Variants in RFX7 observed in about 807,000 individuals in gnomAD.
RFX7 encodes DNA-binding protein RFX7.
Under a neutral mutation model 111.8 loss-of-function variants are expected in RFX7, and 26 were observed. The observed-to-expected ratio is 0.23, with a 90% CI of 0.17 to 0.32. The LOEUF is 0.32. Among genes scored for constraint, RFX7 ranks in the 10% least tolerant of loss-of-function variants. The pLI is 1.00. For synonymous variants in RFX7, 624 were observed against 624.4 expected (o/e 1.00, Z 0.01); for missense variants, 1,573 against 1,772.9 (o/e 0.89, Z 2.02).
chr15:56,102,328 T>C, intron 6 of RFX7, 75 bp from the exon 7 acceptor site: 2 of 810,732 alleles, frequency 2.5e-6, no homozygotes, highest in East Asian at 2.8e-5. Flanking sequence ...AAAGTAACCA[T>C]ATATGAAATG....
At chr15:56,165,980 C>T (rs1323802304) in intron 3 of RFX7, among the ~76,000 whole-genome samples, 4 of 152,174 alleles carry the variant, frequency 2.6e-5, no homozygotes, top group Admixed American at 6.5e-5. Flanking sequence ...TGGCTCACTG[C>T]AGCCTTTGAC....
rs769558133 is a variant in RFX7, at chr15:56,101,556, G to C, written c.614C>G (p.Ala205Gly). The C allele has an allele frequency of 5.0e-6, 8 of 1,613,276 alleles. No individual in the cohort carries two copies. The highest frequency in any genetic ancestry group is 6.8e-6 in the Non-Finnish European group (8 of 1,179,488). Reference protein sequence around the residue: ...FHKTGDGLEGAEPSGQLQNID... With the variant: ...FHKTGDGLEGGEPSGQLQNID... ...ATTTTGAAGCTGCCCAGAAGGTTCA[G>C]CTCCTTCCAACTAGGCAAAGAAAAA... Residue 205 changes from alanine (A) to glycine (G), a missense_variant, in exon 8 of 10, where the codon GCT becomes GGT. By Grantham distance (60) the Ala-to-Gly change is moderately conservative. Transcript: ENST00000559447.
chr15:56,179,281 C>A lies in RFX7; in HGVS notation c.184G>T (p.Asp62Tyr). Reference sequence around the variant, plus strand: ...GTTATTTCACTTACCAAAATGCAGTCCACTTTAGATTGTACAGTTTTGCTA... The same window carrying A: ...GTTATTTCACTTACCAAAATGCAGTACACTTTAGATTGTACAGTTTTGCTA... Reference protein sequence around the residue: ...SICKTVQSKVDCILQEVEKFT... With the variant: ...SICKTVQSKVYCILQEVEKFT... The change falls in exon 3 of 10, where the codon GAC becomes TAC. Residue 62 changes from aspartate (D) to tyrosine (Y), a missense_variant. By Grantham distance (160) the Asp-to-Tyr change is radical. This residue lies in a region of RFX7 where 191 missense variants were observed against 194.2 expected (regional missense o/e 0.98). Coordinates refer to ENST00000559447, the MANE Select transcript of RFX7 (RefSeq NM_022841.7). The A allele has an allele frequency of 2.3e-6, 3 of 1,288,982 alleles. No homozygotes were observed. The highest frequency in any genetic ancestry group is 3.1e-6 in the Non-Finnish European group (3 of 974,508). 79.8% of individuals were successfully genotyped at this position (1,288,982 alleles called of 1,614,324 possible).
At chr15:56,200,068 T>C (rs1032499398) in intron 2 of RFX7, among the ~76,000 whole-genome samples, 3 of 152,190 alleles carry the variant, frequency 2.0e-5, no homozygotes, top group African/African-American at 7.2e-5. Context: ...CTTACCATTT[T>C]GGAACTTCCT....
At chr15:56,169,580 C>T (rs2042819506) in intron 3 of RFX7, among the ~76,000 whole-genome samples, 1 of 152,000 alleles carries the variant, frequency 6.6e-6, no homozygotes, top group African/African-American at 2.4e-5. Context: ...TTTATACCCA[C>T]CTAAGTTAGG....
intron 2 of RFX7, 85 bp downstream of exon 2, chr15:56,243,040 G>GCGCCCCC: frequency 4.4e-5 from 25 of 570,718 alleles, no homozygotes; most frequent in Middle Eastern, 4.2e-4. Context: ...CTCCTCCTCC[G>GCGCCCCC]CTCCCCCCGC....
chr15:56,172,430 TA>T (rs533201888), intron 3 of RFX7, among the ~76,000 whole-genome samples: 5 of 151,984 alleles, frequency 3.3e-5, no homozygotes, highest in African/African-American at 1.2e-4. Context: ...AATAGGCTAG[TA>T]AAAAATAAGA....
chr15:56,202,561 T>C (rs899397589), intron 2 of RFX7, among the ~76,000 whole-genome samples: 1 of 152,162 alleles, frequency 6.6e-6, no homozygotes, highest in Non-Finnish European at 1.5e-5. Context: ...CCCAACACTT[T>C]GGGAGGCTAA....
intron 2 of RFX7, among the ~76,000 whole-genome samples, chr15:56,183,946 C>CA (rs1242189820): frequency 2.0e-5 from 3 of 151,366 alleles, no homozygotes; most frequent in African/African-American, 7.3e-5. Flanking sequence ...GATGTTCAGG[C>CA]AAACTATTGG....
intron 3 of RFX7, among the ~76,000 whole-genome samples, chr15:56,156,171 C>T (rs753434971): frequency 3.9e-5 from 6 of 152,022 alleles, no homozygotes; most frequent in African/African-American, 7.3e-5. Context: ...TGTCTGGTTA[C>T]GACCCTCAAC....
intron 5 of RFX7, among the ~76,000 whole-genome samples, chr15:56,110,250 C>T (rs2041900305): frequency 9.0e-6 from 1 of 110,776 alleles, no homozygotes; most frequent in African/African-American, 3.2e-5. Context: ...GCCAGCCGCC[C>T]CGTCCGGGAG....
In RFX7 at chr15:56,094,677, A is replaced by G; in HGVS notation, c.3051T>C (p.Pro1017=). The part of the protein sequence containing the change: ...SNCSSSVPPS[P]VECRNPFAFT... ...ATGCAAACGGATTCCTGCATTCAAC[A>G]GGGCTGGGGGGGACACTACTGCTGC... The change falls in exon 10 of 10, where the codon CCT becomes CCC. Residue 1017 remains proline (P), a synonymous_variant. Coordinates refer to ENST00000559447, the MANE Select transcript of RFX7 (RefSeq NM_022841.7). The G allele has an allele frequency of 6.2e-7, 1 of 1,613,952 alleles. No individual in the cohort carries two copies. Among genetic ancestry groups the G allele is most frequent in the Non-Finnish European group, 8.5e-7 (1 of 1,179,882 alleles).
intron 2 of RFX7, among the ~76,000 whole-genome samples, chr15:56,187,471 A>G (rs904953091): frequency 1.3e-5 from 2 of 152,142 alleles, no homozygotes; most frequent in Non-Finnish European, 2.9e-5. Context: ...TCGGCCTCCC[A>G]AAGTGCACTA....
chr15:56,127,455 A>T (rs1484691871), intron 5 of RFX7, among the ~76,000 whole-genome samples: 2 of 151,138 alleles, frequency 1.3e-5, no homozygotes, highest in Non-Finnish European at 2.9e-5. Context: ...CAAGCAGAAG[A>T]AGGCTATAAT....
intron 5 of RFX7, among the ~76,000 whole-genome samples, chr15:56,137,207 T>C (rs2042315846): frequency 6.6e-6 from 1 of 152,086 alleles, no homozygotes; most frequent in South Asian, 2.1e-4. Context: ...TTCCTCCTTG[T>C]ACCTCTGGTA....
intron 2 of RFX7, among the ~76,000 whole-genome samples, chr15:56,195,530 A>C (rs1329960112): frequency 2.0e-5 from 3 of 152,300 alleles, no homozygotes; most frequent in Admixed American, 6.5e-5. Context: ...GTTGCCTTTG[A>C]AATAGTCATT....
At chr15:56,116,526 T>C (rs1466208232) in intron 5 of RFX7, among the ~76,000 whole-genome samples, 2 of 152,210 alleles carry the variant, frequency 1.3e-5, no homozygotes, top group Non-Finnish European at 2.9e-5. Context: ...TCTTATAGAA[T>C]CTGTGTCAGT....
intron 5 of RFX7, among the ~76,000 whole-genome samples, chr15:56,124,920 A>G (rs2042123010): frequency 6.6e-6 from 1 of 152,140 alleles, no homozygotes; most frequent in Non-Finnish European, 1.5e-5. Context: ...GCTCTTATTC[A>G]TAAAATCTTT....
chr15:56,181,535 T>C (rs527732035), intron 2 of RFX7, among the ~76,000 whole-genome samples: 69 of 152,194 alleles, frequency 4.5e-4, no homozygotes, highest in Non-Finnish European at 8.8e-4. Flanking sequence ...ATCTGGTATA[T>C]GTAAGGAGTT....
Sources: allele counts gnomAD v4.1 joint callset (sites outside exome capture counted in the v4.1 genomes callset), GRCh38; gene constraint gnomAD v4.1.1; regional missense constraint gnomAD v4.1.1; transcripts MANE v1.5; gene names NCBI Gene and HGNC (gene_info 2026-07-23, HGNC 2026-07-21).